Variants in SORCS3 observed in about 807,000 individuals in gnomAD.
SORCS3 encodes VPS10 domain-containing receptor SorCS3.
A neutral mutation model predicts 146.3 loss-of-function variants in SORCS3; 57 were observed. The ratio of observed to expected loss-of-function variants is 0.39; its 90% confidence interval spans 0.31 to 0.49. The LOEUF (loss-of-function observed/expected upper bound fraction) is 0.49, where lower values mean the gene tolerates loss of function less well. SORCS3 is among the 20% of genes least tolerant of loss of function. The probability of loss-of-function intolerance (pLI) is 0.92; values close to 1 mark genes in which losing one functional copy is unlikely to be tolerated. For synonymous variants in SORCS3, 653 were observed against 618.5 expected (o/e 1.06, Z -0.83); for missense variants, 1,341 against 1,575.5 (o/e 0.85, Z 2.52).
intron 2 of SORCS3, among the ~76,000 whole-genome samples, chr10:104,856,594 A>C (rs1305848253): frequency 1.3e-5 from 1 of 75,500 alleles, no homozygotes; most frequent in Non-Finnish European, 2.6e-5. Context: ...ATAAATATAT[A>C]CATATAAATG....
At chr10:104,669,282 G>C (rs763214536) in intron 1 of SORCS3, among the ~76,000 whole-genome samples, 1 of 152,182 alleles carries the variant, frequency 6.6e-6, no homozygotes, top group African/African-American at 2.4e-5. Context: ...ATTTTAAAGT[G>C]TATAGTTCAG....
intron 4 of SORCS3, among the ~76,000 whole-genome samples, chr10:105,030,217 T>G (rs2055256341): frequency 1.3e-5 from 2 of 152,172 alleles, no homozygotes; most frequent in African/African-American, 4.8e-5. Flanking sequence ...TGCTCACATA[T>G]ATATGGGTGA....
At chr10:104,886,668 A>G (rs7907899) in intron 2 of SORCS3, among the ~76,000 whole-genome samples, 55,800 of 151,884 alleles carry the variant, frequency 0.37, 13,342 homozygotes, top group African/African-American at 0.68. Flanking sequence ...AGCCCAAAAC[A>G]GCAGCCATTG....
At chr10:105,159,496 G>A (rs779029065) in intron 11 of SORCS3, among the ~76,000 whole-genome samples, 24 of 152,172 alleles carry the variant, frequency 1.6e-4, no homozygotes, top group Non-Finnish European at 3.2e-4. Context: ...AAAAACTTAA[G>A]GTTGCATTGT....
At chr10:105,091,593 T>C (rs957757513) in intron 6 of SORCS3, among the ~76,000 whole-genome samples, 12 of 150,728 alleles carry the variant, frequency 8.0e-5, no homozygotes, top group Non-Finnish European at 1.2e-4. Context: ...TTTCATCTCA[T>C]TGGATCCTTA....
chr10:105,186,488 G>A (rs990381501), intron 14 of SORCS3, among the ~76,000 whole-genome samples: 35 of 150,460 alleles, frequency 2.3e-4, no homozygotes, highest in African/African-American at 8.3e-4. Context: ...TTTTGGTTCA[G>A]GAATTGACAT....
chr10:104,788,305 A>G (rs2017460599), intron 1 of SORCS3, among the ~76,000 whole-genome samples: 1 of 152,222 alleles, frequency 6.6e-6, no homozygotes, highest in Non-Finnish European at 1.5e-5. Flanking sequence ...AACTGGTTAA[A>G]TCAGTTATGG....
In SORCS3 at chr10:104,947,509, C is replaced by T. The variant is rs531271581; in HGVS notation, c.796-29826C>T. ...GGAGGCGGGGTCCTTTCACGGGCTG[C>T]GAGGCTGACCGGTGCTGCAGTGATA... is the stretch of plus-strand genomic sequence containing the variant. On this transcript the variant is annotated intron_variant, in intron 3 of 26. Transcript: ENST00000369701. 5.9e-5 allele frequency among the ~76,000 whole-genome samples: 9 copies of T among 152,204 alleles called. No individual in the cohort carries two copies. In the East Asian group the frequency reaches 1.5e-3, roughly 26 times the overall value.
At chr10:104,795,899 T>C (rs2017549403) in intron 1 of SORCS3, among the ~76,000 whole-genome samples, 3 of 152,348 alleles carry the variant, frequency 2.0e-5, no homozygotes, top group Admixed American at 2.0e-4. Context: ...GATTCTTTGA[T>C]CTTGGCTTTC....
At chr10:104,747,670 C>T (rs377302802) in intron 1 of SORCS3, among the ~76,000 whole-genome samples, 52 of 152,322 alleles carry the variant, frequency 3.4e-4, no homozygotes, top group African/African-American at 1.3e-3. Context: ...GTGCATTATC[C>T]TATAACTCTG....
chr10:104,917,631 C>T (rs554651018), intron 3 of SORCS3, among the ~76,000 whole-genome samples: 1 of 152,276 alleles, frequency 6.6e-6, no homozygotes, highest in South Asian at 2.1e-4. Flanking sequence ...ACCAATGTCT[C>T]CCAAACATGC....
chr10:104,858,402 C>T (rs1430481924), intron 2 of SORCS3, among the ~76,000 whole-genome samples: 3 of 152,122 alleles, frequency 2.0e-5, no homozygotes, highest in Non-Finnish European at 4.4e-5. Context: ...TTAATGTTTG[C>T]ATGATAGTGT....
intron 4 of SORCS3, among the ~76,000 whole-genome samples, chr10:105,039,823 C>G (rs1035965042): frequency 6.6e-6 from 1 of 152,104 alleles, no homozygotes; most frequent in East Asian, 1.9e-4. Flanking sequence ...GGTGACCCAG[C>G]AAGAGCTCTG....
intron 4 of SORCS3, among the ~76,000 whole-genome samples, chr10:105,014,275 C>A (rs1323807288): frequency 6.6e-6 from 1 of 151,642 alleles, no homozygotes; most frequent in African/African-American, 2.4e-5. Context: ...AGCAAAATTT[C>A]AGATGGACTT....
intron 1 of SORCS3, among the ~76,000 whole-genome samples, chr10:104,794,406 G>A (rs946589785): frequency 1.3e-5 from 2 of 152,066 alleles, no homozygotes; most frequent in African/African-American, 4.8e-5. Context: ...GCTGTGGATG[G>A]GAAAGACAAA....
At chr10:104,731,203 AG>A (rs2016702839) in intron 1 of SORCS3, among the ~76,000 whole-genome samples, 1 of 151,916 alleles carries the variant, frequency 6.6e-6, no homozygotes, top group Non-Finnish European at 1.5e-5. Flanking sequence ...CCCTGGAGGG[AG>A]CTTTTGAGAA....
chr10:104,990,197 T>A (rs2054985185), intron 4 of SORCS3, among the ~76,000 whole-genome samples: 1 of 152,232 alleles, frequency 6.6e-6, no homozygotes, highest in Non-Finnish European at 1.5e-5. Flanking sequence ...ATACCTCAGC[T>A]CTTTCACTGT....
At chr10:104,949,436 C>CT (rs1204090270) in intron 3 of SORCS3, among the ~76,000 whole-genome samples, 1 of 152,138 alleles carries the variant, frequency 6.6e-6, no homozygotes, top group Non-Finnish European at 1.5e-5. Context: ...GAGTGAAACA[C>CT]TTTAACAGAG....
At chr10:104,673,044 C>T (rs1160525132) in intron 1 of SORCS3, among the ~76,000 whole-genome samples, 2 of 152,090 alleles carry the variant, frequency 1.3e-5, no homozygotes, top group South Asian at 2.1e-4. Flanking sequence ...GATTTAAAGT[C>T]GATTTTGTTA....
Sources: gnomAD v4.1 joint callset for allele counts (sites outside exome capture counted in the v4.1 genomes callset) on GRCh38, gnomAD v4.1.1 for gene constraint, MANE v1.5 for transcripts, NCBI Gene and HGNC (gene_info 2026-07-23, HGNC 2026-07-21) for gene names.